Variants in PCDH7 observed in about 807,000 individuals in gnomAD.
PCDH7 encodes protocadherin-7.
PCDH7 carries 17 observed loss-of-function variants against 58.9 expected under a neutral mutation model. The ratio of observed to expected loss-of-function variants is 0.29; its 90% CI spans 0.20 to 0.43. PCDH7 has a LOEUF of 0.43. Among genes scored for constraint, PCDH7 ranks in the 20% least tolerant of loss-of-function variants. The pLI, the probability that PCDH7 is intolerant of heterozygous loss-of-function variation, is 1.00. For missense variants in PCDH7, 1,274 were observed against 1,441.0 expected, an observed-to-expected ratio of 0.88 and a Z score of 1.88; for synonymous variants, 664 against 616.4, an observed-to-expected ratio of 1.08 and a Z score of -1.14.
intron 3 of PCDH7, among the ~76,000 whole-genome samples, chr4:31,138,291 T>C (rs1020700909): frequency 2.0e-5 from 3 of 152,206 alleles, no homozygotes; most frequent in African/African-American, 7.2e-5. Flanking sequence ...AGAAAACATA[T>C]AATTTTCTCC....
In PCDH7 at chr4:30,724,353, G is replaced by T. The variant is rs1174371248; in HGVS notation, c.2931G>T (p.Met977Ile). 5 of 1,614,098 alleles carry T rather than the reference G, an allele frequency of 3.1e-6. No individual in the cohort carries two copies. The South Asian group carries it at 5.5e-5, about 18-fold the overall frequency. The change falls in exon 1 of 2, where the codon ATG becomes ATT. Residue 977 changes from methionine to isoleucine, a missense_variant. Coordinates refer to ENST00000361762, the Ensembl canonical transcript of PCDH7. ...AGAAGCTGTCAGACAGCCCAAGCAT[G>T]GGGCGATACAGGTCCGTTAATGGTG... is the stretch of plus-strand genomic sequence containing the variant.
chr4:30,968,357 C>T (rs1560541426), intron 3 of PCDH7, among the ~76,000 whole-genome samples: 2 of 112,618 alleles, frequency 1.8e-5, no homozygotes, highest in African/African-American at 4.1e-5. Flanking sequence ...TATATACACA[C>T]ACTATATATA....
intron 1 of PCDH7, among the ~76,000 whole-genome samples, chr4:30,889,911 T>C (rs917748213): frequency 2.0e-5 from 3 of 152,264 alleles, no homozygotes; most frequent in South Asian, 2.1e-4. Flanking sequence ...GAGACAGAAA[T>C]TGATCCTAAT....
At chr4:31,137,740 C>G (rs1017009699) in intron 3 of PCDH7, among the ~76,000 whole-genome samples, 1 of 152,094 alleles carries the variant, frequency 6.6e-6, no homozygotes. Flanking sequence ...CATACGTTGA[C>G]TTAACAATCC....
intron 1 of PCDH7, among the ~76,000 whole-genome samples, chr4:30,790,514 A>G (rs1396838324): frequency 6.6e-6 from 1 of 152,254 alleles, no homozygotes; most frequent in Non-Finnish European, 1.5e-5. Context: ...TCACATAACC[A>G]GTAGCTTGAT....
chr4:31,116,334 T>C (rs187658212), intron 3 of PCDH7, among the ~76,000 whole-genome samples: 1 of 152,374 alleles, frequency 6.6e-6, no homozygotes, highest in Admixed American at 6.5e-5. Flanking sequence ...GTTTGCATAC[T>C]TTTCTGGTTG....
At chr4:30,871,833 T>C (rs2109362668) in intron 1 of PCDH7, among the ~76,000 whole-genome samples, 1 of 152,162 alleles carries the variant, frequency 6.6e-6, no homozygotes, top group African/African-American at 2.4e-5. Flanking sequence ...CGTCACCCCA[T>C]CCTTGCTGAT....
chr4:30,870,649 G>A (rs1315161695), intron 1 of PCDH7, among the ~76,000 whole-genome samples: 1 of 152,070 alleles, frequency 6.6e-6, no homozygotes, highest in East Asian at 1.9e-4. Context: ...ATTGCCTCCA[G>A]GAAGTGCGAA....
intron 1 of PCDH7, among the ~76,000 whole-genome samples, chr4:30,792,412 T>G (rs1256539794): frequency 6.6e-6 from 1 of 152,172 alleles, no homozygotes; most frequent in Admixed American, 6.6e-5. Context: ...AAAGCCAATT[T>G]CAGATTTGCA....
intron 3 of PCDH7, among the ~76,000 whole-genome samples, chr4:31,057,222 C>A (rs964901456): frequency 6.6e-6 from 1 of 152,120 alleles, no homozygotes; most frequent in Non-Finnish European, 1.5e-5. Context: ...TTCTTCTACA[C>A]CTAGCAGAAA....
At chr4:30,843,391 G>A (rs866993660) in intron 1 of PCDH7, among the ~76,000 whole-genome samples, 4 of 152,006 alleles carry the variant, frequency 2.6e-5, no homozygotes, top group Non-Finnish European at 4.4e-5. Flanking sequence ...ACAGGGTTTC[G>A]CCATGTTGGC....
chr4:30,828,771 G>T (rs1445279250), intron 1 of PCDH7, among the ~76,000 whole-genome samples: 1 of 151,706 alleles, frequency 6.6e-6, no homozygotes, highest in East Asian at 1.9e-4. Flanking sequence ...GCTGCTGAAG[G>T]TATTTTCTGG....
chr4:30,893,253 A>C (rs1480704071), intron 1 of PCDH7, among the ~76,000 whole-genome samples: 6 of 152,014 alleles, frequency 3.9e-5, no homozygotes, highest in Non-Finnish European at 4.4e-5. Context: ...ATAAGATACT[A>C]TTTTCAGTAA....
intron 3 of PCDH7, among the ~76,000 whole-genome samples, chr4:31,065,801 A>G (rs910409212): frequency 1.3e-5 from 2 of 151,948 alleles, no homozygotes; most frequent in Non-Finnish European, 2.9e-5. Flanking sequence ...TAGCTTCATC[A>G]TAATATTAAC....
intron 3 of PCDH7, among the ~76,000 whole-genome samples, chr4:30,995,461 G>A (rs988240195): frequency 3.3e-5 from 5 of 151,618 alleles, no homozygotes; most frequent in African/African-American, 1.2e-4. Context: ...GCAGTGAGTC[G>A]AGATCGTGCC....
In PCDH7 at chr4:31,118,925, C is replaced by T. The variant is rs535741868; in HGVS notation, c.*8-23548C>T. 1.4e-3 allele frequency among the ~76,000 whole-genome samples: 212 copies of T among 152,202 alleles called. 1 individual carries two copies. The highest frequency in any genetic ancestry group is 4.9e-3 in the African/African-American group (202 of 41,536). ...ATATATATGTAACAGCTCCTGTTGG[C>T]TTACTCCTCTTTTTTAACCTCTAGG... is the stretch of plus-strand genomic sequence containing the variant. On this transcript the variant is annotated intron_variant, in intron 3 of 3. Coordinates refer to the PCDH7 transcript ENST00000509759.
intron 3 of PCDH7, among the ~76,000 whole-genome samples, chr4:31,001,727 T>C (rs1288305499): frequency 6.6e-6 from 1 of 152,216 alleles, no homozygotes; most frequent in African/African-American, 2.4e-5. Flanking sequence ...ACTCTGATTA[T>C]GTAGAAGCTG....
intron 1 of PCDH7, among the ~76,000 whole-genome samples, chr4:30,880,023 G>A (rs1022154923): frequency 6.6e-6 from 1 of 152,030 alleles, no homozygotes; most frequent in African/African-American, 2.4e-5. Flanking sequence ...ATAACCCAAT[G>A]TTTGGAACCC....
chr4:31,095,001 G>T (rs1174209908), intron 3 of PCDH7, among the ~76,000 whole-genome samples: 1 of 150,208 alleles, frequency 6.7e-6, no homozygotes, highest in Admixed American at 6.7e-5. Flanking sequence ...GTAGCTATAA[G>T]GTGAAAAAAT....
Sources: gnomAD v4.1 joint callset for allele counts (sites outside exome capture counted in the v4.1 genomes callset) on GRCh38, gnomAD v4.1.1 for gene constraint, MANE v1.5 for transcripts, NCBI Gene and HGNC (gene_info 2026-07-23, HGNC 2026-07-21) for gene names.